Variants in KIRREL3 observed in about 807,000 individuals in gnomAD.
KIRREL3 encodes kin of IRRE-like protein 3.
A neutral mutation model predicts 89.7 loss-of-function variants in KIRREL3; 36 were observed. The ratio of observed to expected loss-of-function variants is 0.40; its 90% CI spans 0.31 to 0.53. KIRREL3 has a LOEUF of 0.53. Among genes scored for constraint, KIRREL3 ranks in the 20% least tolerant of loss-of-function variants. The pLI is 0.49. For missense variants in KIRREL3, 864 were observed against 1,056.6 expected, an observed-to-expected ratio of 0.82 and a Z score of 2.53; for synonymous variants, 445 against 441.4, an observed-to-expected ratio of 1.01 and a Z score of -0.10.
intron 1 of KIRREL3, among the ~76,000 whole-genome samples, chr11:126,596,007 C>T (rs910027835): frequency 6.6e-6 from 1 of 152,176 alleles, no homozygotes; most frequent in African/African-American, 2.4e-5. Context: ...TGGTTGAGGT[C>T]TCCAAGCAGG....
chr11:126,448,475 A>G (rs1002077426), intron 8 of KIRREL3, among the ~76,000 whole-genome samples: 1 of 152,042 alleles, frequency 6.6e-6, no homozygotes, highest in Non-Finnish European at 1.5e-5. Flanking sequence ...ATATCTACCC[A>G]TGATGGCCTG....
At chr11:126,925,983 T>A (rs1947697045) in intron 1 of KIRREL3, among the ~76,000 whole-genome samples, 1 of 152,238 alleles carries the variant, frequency 6.6e-6, no homozygotes, top group Non-Finnish European at 1.5e-5. Context: ...TCCTATGTAC[T>A]GCAGTGACTC....
intron 2 of KIRREL3, among the ~76,000 whole-genome samples, chr11:126,529,859 G>GTT (rs60236598): frequency 0.01 from 1,478 of 141,006 alleles, 30 homozygotes; most frequent in African/African-American, 0.036. Flanking sequence ...AAACCAATGA[G>GTT]TTTTTTTTTT....
upstream of KIRREL3, among the ~76,000 whole-genome samples, chr11:127,001,707 C>G (rs999002954): frequency 7.2e-5 from 11 of 152,008 alleles, no homozygotes; most frequent in Non-Finnish European, 7.4e-5. Flanking sequence ...TTATCTGGGT[C>G]TATTTACTTA....
intron 1 of KIRREL3, among the ~76,000 whole-genome samples, chr11:126,663,375 CG>C (rs1324312102): frequency 6.6e-6 from 1 of 151,692 alleles, no homozygotes; most frequent in Non-Finnish European, 1.5e-5. Context: ...TTAGTAGAGA[CG>C]GGGTTTCACC....
At chr11:126,438,274 T>C (rs990434064) in intron 11 of KIRREL3, among the ~76,000 whole-genome samples, 1 of 152,260 alleles carries the variant, frequency 6.6e-6, no homozygotes, top group African/African-American at 2.4e-5. Flanking sequence ...TTCGTCTGCC[T>C]TAGTTTACAG....
chr11:126,854,577 A>C (rs1057471448), intron 1 of KIRREL3, among the ~76,000 whole-genome samples: 4 of 152,200 alleles, frequency 2.6e-5, no homozygotes, highest in African/African-American at 9.7e-5. Context: ...AAGCTGAATT[A>C]TATTCTATTG....
chr11:126,993,438 G>A lies in KIRREL3; in HGVS notation c.55+7017C>T, dbSNP rs963702343. 1.1e-4 allele frequency among the ~76,000 whole-genome samples: 17 copies of A among 152,298 alleles called. No homozygotes were observed. The highest frequency in any genetic ancestry group is 2.0e-4 in the Admixed American group (3 of 15,304). ...GACTGGAAATCGCTTTTCATGCTTC[G>A]TTTAGAGAACTCTTGAGCATCCTAT... On this transcript the variant is annotated intron_variant, in intron 1 of 16. Transcript: ENST00000525144. The surrounding 1 kb of genome is among the most constrained non-coding windows in gnomAD (Gnocchi z 6.1).
rs778277767 is a variant in KIRREL3 at position 126,608,001 on chromosome 11, C to T, written c.56-45089G>A. Among the ~76,000 whole-genome samples, 27 of 152,324 alleles carry T rather than the reference C, an allele frequency of 1.8e-4. No homozygotes were observed. The highest frequency in any genetic ancestry group is 3.4e-4 in the Non-Finnish European group (23 of 68,032). On this transcript the variant is annotated intron_variant, in intron 1 of 16. Coordinates refer to ENST00000525144, the MANE Select transcript of KIRREL3 (RefSeq NM_032531.4). The surrounding 1 kb of genome is among the most constrained non-coding windows in gnomAD (Gnocchi z 4.9). ...ACGAGCACGTCAGCTGTCTCCAGGG[C>T]CTTTCTCATCATCTCCCGTGCCTGC...
chr11:126,941,108 T>C (rs1043509253), intron 1 of KIRREL3, among the ~76,000 whole-genome samples: 1 of 152,190 alleles, frequency 6.6e-6, no homozygotes, highest in Non-Finnish European at 1.5e-5. Flanking sequence ...AATTGAGCAT[T>C]CTTGTGTGAC....
At chr11:126,722,030 C>A (rs1298592439) in intron 1 of KIRREL3, among the ~76,000 whole-genome samples, 1 of 152,198 alleles carries the variant, frequency 6.6e-6, no homozygotes, top group Non-Finnish European at 1.5e-5. Flanking sequence ...GCATGGCAGT[C>A]AAGGCTCCCA....
chr11:126,726,148 A>G (rs1346362796), intron 1 of KIRREL3, among the ~76,000 whole-genome samples: 1 of 152,024 alleles, frequency 6.6e-6, no homozygotes, highest in African/African-American at 2.4e-5. Flanking sequence ...GTGGAACCCT[A>G]AGGCTCCACT....
At chr11:126,695,525 C>T (rs924074078) in intron 1 of KIRREL3, among the ~76,000 whole-genome samples, 1 of 151,926 alleles carries the variant, frequency 6.6e-6, no homozygotes, top group Non-Finnish European at 1.5e-5. Context: ...CTTCTCTGCT[C>T]ACCACACCGC....
chr11:126,665,434 T>C (rs1945615428), intron 1 of KIRREL3, among the ~76,000 whole-genome samples: 1 of 152,192 alleles, frequency 6.6e-6, no homozygotes, highest in African/African-American at 2.4e-5. Context: ...TTCTCCAAAA[T>C]TCATGTGTTG....
intron 1 of KIRREL3, among the ~76,000 whole-genome samples, chr11:126,792,137 A>T (rs1950663872): frequency 6.6e-6 from 1 of 152,124 alleles, no homozygotes; most frequent in Admixed American, 6.5e-5. Flanking sequence ...CCCGGCTCTG[A>T]GGATAGGTGG....
At chr11:126,688,215 G>T (rs1946741490) in intron 1 of KIRREL3, among the ~76,000 whole-genome samples, 1 of 152,154 alleles carries the variant, frequency 6.6e-6, no homozygotes. Flanking sequence ...CCCAGCTCTG[G>T]CCACAGTCAG....
intron 1 of KIRREL3, among the ~76,000 whole-genome samples, chr11:126,733,763 T>C (rs1394305774): frequency 6.6e-6 from 1 of 152,212 alleles, no homozygotes; most frequent in African/African-American, 2.4e-5. Context: ...TTCCCTGATA[T>C]GTGTGATTTG....
In KIRREL3 at chr11:126,516,288, G is replaced by A. The variant is rs1359005576; in HGVS notation, c.433+5027C>T. On this transcript the variant is annotated intron_variant, in intron 4 of 16. Transcript: ENST00000525144. This position sits in a 1 kb window ranked among gnomAD's most constrained non-coding sequence, Gnocchi z 4.9. ...GACAGCAGAGTTAATATTAGAACGG[G>A]CCAGGAAGAAGAGGGAAATGAGGAG... 6.6e-6 allele frequency among the ~76,000 whole-genome samples: 1 copy of A among 152,074 alleles called. No homozygotes were observed. Among genetic ancestry groups the A allele is most frequent in the Admixed American group, 6.6e-5 (1 of 15,266 alleles).
At chr11:126,899,184 T>G (rs1403831251) in intron 1 of KIRREL3, among the ~76,000 whole-genome samples, 2 of 152,146 alleles carry the variant, frequency 1.3e-5, no homozygotes, top group Non-Finnish European at 2.9e-5. Flanking sequence ...TATATATATA[T>G]GTTTCTCATT....
Sources: gnomAD v4.1 joint callset for allele counts (sites outside exome capture counted in the v4.1 genomes callset) on GRCh38, gnomAD v4.1.1 for gene constraint, Gnocchi (gnomAD v3.1) non-coding constraint, MANE v1.5 for transcripts, NCBI Gene and HGNC (gene_info 2026-07-23, HGNC 2026-07-21) for gene names.